ADAM7: variants seen among roughly 807,000 people sequenced by gnomAD.
The protein encoded by ADAM7 is ADAM metallopeptidase domain 7.
ADAM7 carries 97 observed loss-of-function variants against 102.9 expected under a neutral mutation model. The observed-to-expected ratio is 0.94, with a 90% CI of 0.80 to 1.12. The LOEUF (loss-of-function observed/expected upper bound fraction) is 1.12. ADAM7 is among the 50% of genes most tolerant of loss of function. The pLI is 0.00. For missense variants in ADAM7, 991 were observed against 908.7 expected (o/e 1.09, Z -1.16); for synonymous variants, 334 against 304.4 (o/e 1.10, Z -1.01).
intron 20 of ADAM7, among the ~76,000 whole-genome samples, chr8:24,506,834 T>G (rs1464163030): frequency 6.6e-6 from 1 of 151,638 alleles, no homozygotes; most frequent in Non-Finnish European, 1.5e-5. Context: ...CCCAAATGAC[T>G]AGAATCTCTA....
intron 7 of ADAM7, among the ~76,000 whole-genome samples, chr8:24,473,530 G>C (rs532623657): frequency 6.6e-6 from 1 of 152,262 alleles, no homozygotes; most frequent in South Asian, 2.1e-4. Context: ...ATGTTTTCAT[G>C]TCTCAAGCAA....
chr8:24,494,457 T>A (rs191684571), intron 16 of ADAM7, among the ~76,000 whole-genome samples: 7 of 151,598 alleles, frequency 4.6e-5, no homozygotes, highest in Admixed American at 4.6e-4. Context: ...CAGCCTGAGA[T>A]ACAAAGTGCT....
At chr8:24,506,651 C>T (rs1820960235) in intron 20 of ADAM7, among the ~76,000 whole-genome samples, 1 of 151,930 alleles carries the variant, frequency 6.6e-6, no homozygotes, top group Admixed American at 6.6e-5. Context: ...CCCTGGAACC[C>T]TCAGTTAGAT....
At chr8:24,505,485 G>C (rs746236896) in intron 20 of ADAM7, among the ~76,000 whole-genome samples, 1 of 152,064 alleles carries the variant, frequency 6.6e-6, no homozygotes, top group Non-Finnish European at 1.5e-5. Context: ...GTATTTTTTG[G>C]CATGAAGTAT....
chr8:24,491,723 T>C, intron 13 of ADAM7, 180 bp from the exon 14 acceptor site: 2 of 538,358 alleles, frequency 3.7e-6, no homozygotes, highest in Non-Finnish European at 6.4e-6. Flanking sequence ...TTGTCATTCT[T>C]AAAATTACAT....
rs185315380 is a variant in ADAM7 at position 24,445,433 on chromosome 8, A to G, written c.157-1753A>G. On this transcript the variant is annotated intron_variant, in intron 2 of 21. Transcript: ENST00000175238. ...ACCCTCTTCAGATCCTCCTTGCTAT[A>G]GTAGCACAGCTCTACAAGTTAAACA... is the stretch of plus-strand genomic sequence containing the variant. 2.0e-5 allele frequency among the ~76,000 whole-genome samples: 3 copies of G among 152,306 alleles called. No homozygotes were observed. In the East Asian group the frequency reaches 5.8e-4, roughly 29 times the overall value.
intron 12 of ADAM7, 126 bp from the exon 13 acceptor site, chr8:24,490,673 C>A: frequency 1.1e-6 from 1 of 884,162 alleles, no homozygotes; most frequent in Admixed American, 2.4e-5. Context: ...ATGTATGTAC[C>A]ACAGCCAACA....
chr8:24,509,306 A>G lies in ADAM7; in HGVS notation c.*760A>G. On this transcript the variant is annotated 3_prime_UTR_variant, in exon 22 of 22. Coordinates refer to ENST00000175238, the MANE Select transcript of ADAM7 (RefSeq NM_003817.4). ...TAAGGTCTTTGTCCTGTGCAATTTG[A>G]CAATGTGCCATTTCTGTGCTGTCTC... The G allele has an allele frequency of 1.0e-6, 1 of 985,420 alleles. No homozygotes were observed. Among genetic ancestry groups the G allele is most frequent in the African/African-American group, 1.7e-5 (1 of 57,374 alleles). The allele number at this position is 985,420 out of a possible 1,614,324, so 61.0% of individuals were successfully genotyped here.
chr8:24,453,036 G>A (rs1818860905), intron 3 of ADAM7, among the ~76,000 whole-genome samples: 2 of 151,436 alleles, frequency 1.3e-5, no homozygotes, highest in South Asian at 4.2e-4. Context: ...AGTCTGATGG[G>A]CTTCCCTTTG....
chr8:24,452,763 T>C (rs1247986772), intron 3 of ADAM7, among the ~76,000 whole-genome samples: 2 of 151,874 alleles, frequency 1.3e-5, no homozygotes, highest in African/African-American at 4.9e-5. Flanking sequence ...CTTTACAATT[T>C]GGCATGATTT....
rs756824540 is a variant in ADAM7, at chr8:24,463,955, A to T, written c.307A>T (p.Ile103Phe). ...AGAAGCGTTCACCAGGCATCCTCAGATCATGGTATCTTATGGAACTTTACT... is the reference window on the plus strand; with the variant it reads ...AGAAGCGTTCACCAGGCATCCTCAGTTCATGGTATCTTATGGAACTTTACT... ...KGEAFTRHPQ[I>F]MDHCFYQGSI... The change falls in exon 4 of 22, where the codon ATC becomes TTC. Residue 103 changes from isoleucine to phenylalanine, a missense_variant. By Grantham distance (21) the Ile-to-Phe change is conservative (BLOSUM62 0). Transcript: ENST00000175238. 8.1e-6 allele frequency: 13 copies of T among 1,611,212 alleles called. No homozygotes were observed. The highest frequency in any genetic ancestry group is 1.0e-5 in the Non-Finnish European group (12 of 1,177,544).
intron 6 of ADAM7, among the ~76,000 whole-genome samples, chr8:24,468,308 AT>A (rs1819496409): frequency 6.6e-6 from 1 of 151,860 alleles, no homozygotes; most frequent in African/African-American, 2.4e-5. Flanking sequence ...AAAAACCTGA[AT>A]GTTAAAGTAT....
chr8:24,473,686 T>C (rs182874025), intron 7 of ADAM7, among the ~76,000 whole-genome samples: 2 of 152,274 alleles, frequency 1.3e-5, no homozygotes, highest in African/African-American at 4.8e-5. Context: ...CATGATCTTA[T>C]GAGAAAGTAA....
At chr8:24,465,817 A>T (rs747444801) in intron 5 of ADAM7, 42 bp downstream of exon 5, 1 of 1,446,556 alleles carries the variant, frequency 6.9e-7, no homozygotes, top group Non-Finnish European at 9.4e-7. Context: ...GAGTTTTCCT[A>T]TGGATTTTCA....
chr8:24,479,386 G>A (rs2129387336), intron 8 of ADAM7, among the ~76,000 whole-genome samples: 1 of 152,072 alleles, frequency 6.6e-6, no homozygotes, highest in East Asian at 1.9e-4. Flanking sequence ...GTTTTGTTTT[G>A]TTTTCCTTTT....
At chr8:24,506,267 C>T (rs948586562) in intron 20 of ADAM7, 7 of 848,178 alleles carry the variant, frequency 8.3e-6, no homozygotes, top group African/African-American at 5.2e-5. Context: ...AATATAACAT[C>T]GATAGCTCTC....
At chr8:24,477,929 G>A (rs73223151) in intron 8 of ADAM7, among the ~76,000 whole-genome samples, 21,041 of 151,972 alleles carry the variant, frequency 0.14, 1,678 homozygotes, top group Non-Finnish European at 0.18. Flanking sequence ...TACCATATAT[G>A]TACTCAGCTA....
At chr8:24,454,182 G>C (rs1028745212) in intron 3 of ADAM7, among the ~76,000 whole-genome samples, 2 of 152,220 alleles carry the variant, frequency 1.3e-5, no homozygotes, top group Non-Finnish European at 1.5e-5. Flanking sequence ...TCTCTTTAAA[G>C]CTGTCAGACA....
rs574706805 is a variant in ADAM7, at chr8:24,467,037, T to G, written c.579+49T>G. The G allele has an allele frequency of 2.7e-6, 4 of 1,506,980 alleles. No homozygotes were observed. In the South Asian group the frequency reaches 4.5e-5, roughly 17 times the overall value. The allele number at this position is 1,506,980 out of a possible 1,614,324, so 93.4% of individuals were successfully genotyped here. A position where few individuals can be genotyped will look rare whatever the true frequency, so the allele number is the denominator to read the frequency against. On this transcript the variant is annotated intron_variant, in intron 6 of 21. Coordinates refer to ENST00000175238, the MANE Select transcript of ADAM7 (RefSeq NM_003817.4). ...ACCCCAAATGAAACACCTTTTATTT[T>G]CTTGATGATGTCTAGGGATAAAGTA...
Sources: allele counts gnomAD v4.1 joint callset (sites outside exome capture counted in the v4.1 genomes callset), GRCh38; gene constraint gnomAD v4.1.1; transcripts MANE v1.5; gene names NCBI Gene and HGNC (gene_info 2026-07-23, HGNC 2026-07-21).